Variants in P4HA3 observed in about 807,000 individuals in gnomAD.
P4HA3 encodes prolyl 4-hydroxylase subunit alpha 3.
P4HA3 carries 60 observed loss-of-function variants against 66.7 expected under a neutral mutation model. The ratio of observed to expected loss-of-function variants is 0.90; its 90% CI spans 0.73 to 1.12. P4HA3 has a LOEUF of 1.12. Among genes scored for constraint, P4HA3 ranks in the 50% most tolerant of loss-of-function variants. The pLI is 0.00. For missense variants in P4HA3, 683 were observed against 685.8 expected (o/e 1.00, Z 0.05); for synonymous variants, 263 against 274.6 (o/e 0.96, Z 0.42).
chr11:74,311,622 C>A lies in P4HA3; in HGVS notation c.-11G>T. 1 of 1,489,014 alleles carries A rather than the reference C, an allele frequency of 6.7e-7. No homozygotes were observed. The highest frequency in any genetic ancestry group is 8.8e-7 in the Non-Finnish European group (1 of 1,130,880). 92.2% of individuals were successfully genotyped at this position (1,489,014 alleles called of 1,614,324 possible). ...CGCCCCAGGACCCATAGCCAGCGCTCGCGAACTTCCCCTCAGACAGTCCTG... is the reference window on the plus strand; with the variant it reads ...CGCCCCAGGACCCATAGCCAGCGCTAGCGAACTTCCCCTCAGACAGTCCTG... On this transcript the variant is annotated 5_prime_UTR_variant, in exon 1 of 13. Coordinates refer to ENST00000331597, the MANE Select transcript of P4HA3 (RefSeq NM_182904.5).
chr11:74,267,087 G>A lies in P4HA3; in HGVS notation c.*161C>T. ...CAAATGTACATTCTCAGTGTCCCCTGGTAACAACCTCTCCCTTGCCTCTGA... is the reference window on the plus strand; with the variant it reads ...CAAATGTACATTCTCAGTGTCCCCTAGTAACAACCTCTCCCTTGCCTCTGA... On this transcript the variant is annotated 3_prime_UTR_variant, in exon 13 of 13. Transcript: ENST00000331597. 1 of 1,538,614 alleles carries A rather than the reference G, an allele frequency of 6.5e-7. No individual in the cohort carries two copies.
chr11:74,293,173 T>C (rs1180290490), intron 4 of P4HA3, among the ~76,000 whole-genome samples: 3 of 152,100 alleles, frequency 2.0e-5, no homozygotes, highest in Admixed American at 2.0e-4. Context: ...GCTCTTCTTG[T>C]TGAATTGATC....
chr11:74,310,483 A>G (rs1861702892), intron 1 of P4HA3, among the ~76,000 whole-genome samples: 1 of 152,174 alleles, frequency 6.6e-6, no homozygotes. Flanking sequence ...CATCTCAGTT[A>G]TCATTTATTT....
chr11:74,295,380 A>G (rs1318238485), intron 4 of P4HA3, among the ~76,000 whole-genome samples: 1 of 152,196 alleles, frequency 6.6e-6, no homozygotes, highest in Non-Finnish European at 1.5e-5. Flanking sequence ...TGGGGAACAG[A>G]ATCCCGGATG....
intron 15 of P4HA3, chr11:74,253,574 C>CT (rs1859760106): frequency 3.3e-6 from 5 of 1,521,784 alleles, no homozygotes; most frequent in Middle Eastern, 1.7e-4. Context: ...CCAGAGGCCA[C>CT]TGTGATGCCA....
intron 15 of P4HA3, chr11:74,251,444 A>T: frequency 7.1e-7 from 1 of 1,417,758 alleles, no homozygotes; most frequent in Non-Finnish European, 9.2e-7. Context: ...CTTGAGCTCT[A>T]TGGAGCTATC....
chr11:74,251,450 C>T (rs1859658680), intron 15 of P4HA3: 5 of 1,421,600 alleles, frequency 3.5e-6, no homozygotes, highest in Non-Finnish European at 4.6e-6. Flanking sequence ...CTCTATGGAG[C>T]TATCCCTGGC....
At chr11:74,251,857 C>T (rs760499705) in intron 15 of P4HA3, 20 of 1,023,770 alleles carry the variant, frequency 2.0e-5, no homozygotes, top group Non-Finnish European at 2.9e-5. Context: ...AGTGAAGAGC[C>T]TGGCATGTCT....
intron 12 of P4HA3, 143 bp from the exon 13 acceptor site, chr11:74,267,461 C>CA: frequency 2.0e-6 from 2 of 990,852 alleles, no homozygotes; most frequent in Non-Finnish European, 2.9e-6. Context: ...CAGCCTAGTC[C>CA]TGGCCTCACT....
chr11:74,290,498 T>C (rs1363214650), intron 4 of P4HA3, among the ~76,000 whole-genome samples: 2 of 151,314 alleles, frequency 1.3e-5, no homozygotes, highest in Non-Finnish European at 2.9e-5. Flanking sequence ...CTTTTGGTGT[T>C]TTAGACATTA....
Position 74,298,058 on chromosome 11 carries a change from T to C in P4HA3, c.717+154A>G, listed in dbSNP as rs979093958. Among the ~76,000 whole-genome samples, 49 of 152,234 alleles carry C rather than the reference T, an allele frequency of 3.2e-4. 1 individual carries two copies. Among genetic ancestry groups the C allele is most frequent in the Admixed American group, 2.9e-3 (45 of 15,280 alleles). On this transcript the variant is annotated intron_variant, in intron 4 of 12. Transcript: ENST00000331597. The stretch of plus-strand genomic sequence containing the variant: ...ATTCAGTTTACTCACATGTGATATA[T>C]GGAAATGATAAAATAACTTCCCTGC...
intron 12 of P4HA3, 37 bp downstream of exon 12, chr11:74,268,108 T>C (rs1469976731): frequency 6.4e-7 from 1 of 1,569,048 alleles, no homozygotes; most frequent in South Asian, 1.1e-5. Flanking sequence ...CTCTGCACCC[T>C]GTACCCCCTT....
intron 4 of P4HA3, among the ~76,000 whole-genome samples, chr11:74,294,613 G>A (rs1435918371): frequency 6.6e-6 from 1 of 152,296 alleles, no homozygotes; most frequent in Admixed American, 6.5e-5. Context: ...GTGATGTACA[G>A]GTGGGTTTTG....
chr11:74,308,222 A>G (rs1237349703), intron 1 of P4HA3, among the ~76,000 whole-genome samples: 2 of 152,124 alleles, frequency 1.3e-5, no homozygotes, highest in Non-Finnish European at 1.5e-5. Flanking sequence ...TTTAAAAGGC[A>G]AACATAAAGG....
At chr11:74,273,020 G>T (rs1860259846) in intron 10 of P4HA3, among the ~76,000 whole-genome samples, 1 of 152,172 alleles carries the variant, frequency 6.6e-6, no homozygotes, top group Non-Finnish European at 1.5e-5. Context: ...TTTTACTGAA[G>T]ATTTTATAGA....
At chr11:74,309,913 C>T (rs1459287161) in intron 1 of P4HA3, among the ~76,000 whole-genome samples, 1 of 152,216 alleles carries the variant, frequency 6.6e-6, no homozygotes, top group Non-Finnish European at 1.5e-5. Context: ...CTCTCTCTCA[C>T]AGTCATGGGG....
chr11:74,291,840 G>A (rs367706323), intron 4 of P4HA3, among the ~76,000 whole-genome samples: 6,164 of 131,310 alleles, frequency 0.047, 129 homozygotes, highest in Middle Eastern at 0.12. Context: ...TGCTGGATTC[G>A]GTTTGCCAGT....
chr11:74,302,255 C>G (rs1469375932), intron 3 of P4HA3, 114 bp downstream of exon 3: 1 of 1,004,780 alleles, frequency 1.0e-6, no homozygotes, highest in South Asian at 1.7e-5. Context: ...GAAATGATAT[C>G]AAATTTCCAA....
chr11:74,304,914 G>A (rs557764073), intron 1 of P4HA3, among the ~76,000 whole-genome samples: 9 of 152,220 alleles, frequency 5.9e-5, no homozygotes, highest in Admixed American at 1.3e-4. Context: ...GGATGAAACT[G>A]TTCCACCTCA....
Sources: allele counts gnomAD v4.1 joint callset (sites outside exome capture counted in the v4.1 genomes callset), GRCh38; gene constraint gnomAD v4.1.1; transcripts MANE v1.5; gene names NCBI Gene and HGNC (gene_info 2026-07-23, HGNC 2026-07-21).